Variants in CTNNA3 observed in about 807,000 individuals in gnomAD.
CTNNA3 encodes the protein catenin alpha-3.
Under a neutral mutation model 95.7 loss-of-function variants are expected in CTNNA3, and 76 were observed. The ratio of observed to expected loss-of-function variants is 0.79; its 90% CI spans 0.66 to 0.96. The LOEUF (loss-of-function observed/expected upper bound fraction) is 0.96, where lower values mean the gene tolerates loss of function less well. Ranked by LOEUF, CTNNA3 falls within the 40% of genes least tolerant of loss-of-function variation. The probability of loss-of-function intolerance (pLI) is 0.00; values close to 1 mark genes in which losing one functional copy is unlikely to be tolerated. For missense variants in CTNNA3, 1,191 were observed against 1,089.8 expected (o/e 1.09, Z -1.31); for synonymous variants, 431 against 374.4 (o/e 1.15, Z -1.74).
chr10:66,007,819 C>T (rs1309573145), intron 15 of CTNNA3, among the ~76,000 whole-genome samples: 1 of 139,744 alleles, frequency 7.2e-6, no homozygotes, highest in African/African-American at 2.6e-5. Flanking sequence ...CGCTCCCTCC[C>T]TTTCTTCCTT....
chr10:66,558,020 A>G (rs1842444082), intron 10 of CTNNA3, among the ~76,000 whole-genome samples: 1 of 152,128 alleles, frequency 6.6e-6, no homozygotes, highest in Non-Finnish European at 1.5e-5. Flanking sequence ...AAGGACAATC[A>G]TACTCCTTAC....
chr10:66,669,592 G>A (rs527316496), intron 9 of CTNNA3, among the ~76,000 whole-genome samples: 1 of 152,104 alleles, frequency 6.6e-6, no homozygotes, highest in African/African-American at 2.4e-5. Flanking sequence ...ATAATCTAAA[G>A]TTTCCATTTT....
chr10:67,135,294 T>G (rs942383640), intron 7 of CTNNA3, among the ~76,000 whole-genome samples: 7 of 152,246 alleles, frequency 4.6e-5, no homozygotes, highest in Non-Finnish European at 7.4e-5. Context: ...AAAAATATAG[T>G]CTTTCAGCTG....
At chr10:67,513,132 T>C (rs1839694273) in intron 5 of CTNNA3, among the ~76,000 whole-genome samples, 1 of 152,224 alleles carries the variant, frequency 6.6e-6, no homozygotes, top group Admixed American at 6.5e-5. Context: ...TGCAGTTTGA[T>C]ATGAAACCCA....
chr10:67,019,321 C>A (rs191456550), intron 7 of CTNNA3, among the ~76,000 whole-genome samples: 2 of 152,260 alleles, frequency 1.3e-5, no homozygotes, highest in South Asian at 4.1e-4. Context: ...CGGGTCCAAG[C>A]GCTTCTCCTG....
intron 11 of CTNNA3, among the ~76,000 whole-genome samples, chr10:66,396,948 T>C (rs970745509): frequency 6.6e-6 from 1 of 151,802 alleles, no homozygotes; most frequent in Admixed American, 6.6e-5. Context: ...TTTTCACTTA[T>C]AAAGTAATTA....
At chr10:67,553,514 T>A (rs1448265874) in intron 3 of CTNNA3, among the ~76,000 whole-genome samples, 1 of 152,110 alleles carries the variant, frequency 6.6e-6, no homozygotes, top group Non-Finnish European at 1.5e-5. Flanking sequence ...CCTATTAGTG[T>A]GGGAGAAATA....
At chr10:66,687,046 T>C (rs1847323232) in intron 9 of CTNNA3, among the ~76,000 whole-genome samples, 1 of 152,172 alleles carries the variant, frequency 6.6e-6, no homozygotes, top group Non-Finnish European at 1.5e-5. Context: ...ACATACTTTA[T>C]ACTTAATAGG....
intron 9 of CTNNA3, among the ~76,000 whole-genome samples, chr10:66,642,767 G>C (rs532751719): frequency 6.6e-6 from 1 of 152,094 alleles, no homozygotes; most frequent in Admixed American, 6.6e-5. Flanking sequence ...ATACCATTAA[G>C]TACTTAATTT....
intron 3 of CTNNA3, among the ~76,000 whole-genome samples, chr10:67,567,255 C>CAA (rs57832662): frequency 4.4e-5 from 6 of 135,514 alleles, no homozygotes; most frequent in South Asian, 2.3e-4. Flanking sequence ...GAGAAAATGG[C>CAA]AAAAAAAAAA....
chr10:66,189,614 A>C (rs1024150314), intron 13 of CTNNA3, among the ~76,000 whole-genome samples: 1 of 117,336 alleles, frequency 8.5e-6, no homozygotes, highest in Admixed American at 8.2e-5. Flanking sequence ...ATATATATAT[A>C]TATACACACA....
chr10:66,020,130 A>G (rs2079173777), intron 15 of CTNNA3, among the ~76,000 whole-genome samples: 1 of 152,260 alleles, frequency 6.6e-6, no homozygotes, highest in African/African-American at 2.4e-5. Context: ...TTGTGTCAAT[A>G]AAAATGGCAA....
intron 4 of CTNNA3, among the ~76,000 whole-genome samples, chr10:67,534,390 C>A (rs1009731183): frequency 1.3e-5 from 2 of 152,012 alleles, no homozygotes; most frequent in African/African-American, 4.8e-5. Flanking sequence ...CAGAAATAAG[C>A]AGGGGCCAAG....
chr10:66,142,545 A>C (rs575198634), intron 13 of CTNNA3, among the ~76,000 whole-genome samples: 1 of 152,164 alleles, frequency 6.6e-6, no homozygotes, highest in African/African-American at 2.4e-5. Flanking sequence ...TAACTTTCTG[A>C]GATTTTGATT....
chr10:66,217,739 A>G (rs74617209), intron 13 of CTNNA3, among the ~76,000 whole-genome samples: 261 of 152,280 alleles, frequency 1.7e-3, no homozygotes, highest in African/African-American at 5.8e-3. Flanking sequence ...CAAAAGGATT[A>G]ATGTTTAACC....
At chr10:67,554,120 TG>T (rs1166785017) in intron 3 of CTNNA3, among the ~76,000 whole-genome samples, 3 of 152,222 alleles carry the variant, frequency 2.0e-5, no homozygotes, top group African/African-American at 7.2e-5. Flanking sequence ...TAGTATTCCA[TG>T]GGGTATATGT....
intron 5 of CTNNA3, among the ~76,000 whole-genome samples, chr10:67,501,677 T>C (rs924669324): frequency 2.0e-5 from 3 of 152,208 alleles, no homozygotes; most frequent in Non-Finnish European, 4.4e-5. Flanking sequence ...CATTCTTTTT[T>C]CTCTAATCTT....
rs1564719727 is a variant in CTNNA3 at position 66,845,708 on chromosome 10, A to AAAAAAAAAAC, written c.1048-70185_1048-70184insGTTTTTTTTT. Among the ~76,000 whole-genome samples, 10 of 77,332 alleles carry AAAAAAAAAAC rather than the reference A, an allele frequency of 1.3e-4. 1 individual carries two copies. Among genetic ancestry groups the AAAAAAAAAAC allele is most frequent in the African/African-American group, 4.1e-4 (7 of 17,246 alleles). 50.7% of individuals were successfully genotyped at this position (77,332 alleles called of 152,430 possible). A position where few individuals can be genotyped will look rare whatever the true frequency, so the allele number is the denominator to read the frequency against. ...ACAACAGCAAAACTCTGTCTCAAAA[A>AAAAAAAAAAC]AAAAAAAAAAAAAAAAAAAAACTAA... is the stretch of plus-strand genomic sequence containing the variant. On this transcript the variant is annotated intron_variant, in intron 7 of 17. Transcript: ENST00000433211.
intron 5 of CTNNA3, among the ~76,000 whole-genome samples, chr10:67,373,757 TAA>T (rs1418400949): frequency 1.3e-5 from 2 of 152,180 alleles, no homozygotes; most frequent in Non-Finnish European, 2.9e-5. Flanking sequence ...CTTATATATA[TAA>T]AGAGTCTCTG....
Sources: allele counts gnomAD v4.1 joint callset (sites outside exome capture counted in the v4.1 genomes callset), GRCh38; gene constraint gnomAD v4.1.1; transcripts MANE v1.5; gene names NCBI Gene and HGNC (gene_info 2026-07-23, HGNC 2026-07-21).